TRIM49C: variants seen among roughly 807,000 people sequenced by gnomAD.
TRIM49C encodes the protein tripartite motif containing 49C.
In TRIM49C, 6 loss-of-function variants were observed where a neutral mutation model predicts 21.4. That is an observed-to-expected ratio of 0.28 (90% CI 0.15 to 0.55). The LOEUF (loss-of-function observed/expected upper bound fraction) is 0.55, where lower values mean the gene tolerates loss of function less well. Ranked by LOEUF, TRIM49C falls within the 20% of genes least tolerant of loss-of-function variation. The pLI is 0.94. For missense variants in TRIM49C, 161 were observed against 442.4 expected (o/e 0.36, Z 5.71); for synonymous variants, 57 against 148.1 (o/e 0.38, Z 4.47).
the TRIM49C span, among the ~76,000 whole-genome samples, chr11:90,069,020 T>C: frequency 3.1e-5 from 4 of 128,210 alleles, no homozygotes; most frequent in Non-Finnish European, 6.4e-5. Context: ...TGACGCATTG[T>C]GATAAGTGCT....
Position 90,041,642 on chromosome 11 carries a change from A to G in TRIM49C, c.*92A>G. 1.6e-6 allele frequency: 1 copy of G among 613,970 alleles called. No individual in the cohort carries two copies. The highest frequency in any genetic ancestry group is 2.5e-6 in the Non-Finnish European group (1 of 407,162). 38.0% of individuals were successfully genotyped at this position (613,970 alleles called of 1,614,324 possible). On this transcript the variant is annotated 3_prime_UTR_variant, in exon 8 of 8. Transcript: ENST00000448984. ...TTGTGCCTTAACATACAGGACAAAT[A>G]GGCTCTATTTTATGTCTTGAATTGC...
chr11:90,064,373 A>C, the TRIM49C span, among the ~76,000 whole-genome samples: 1 of 151,384 alleles, frequency 6.6e-6, no homozygotes, highest in African/African-American at 2.4e-5. Flanking sequence ...ATCAACCGTT[A>C]ATTATCTTCT....
the TRIM49C span, among the ~76,000 whole-genome samples, chr11:90,066,188 G>A: frequency 5.3e-5 from 7 of 132,936 alleles, 1 homozygote; most frequent in African/African-American, 1.6e-4. Flanking sequence ...GCCCAGCTAA[G>A]TTTGTATTTT....
chr11:90,041,005 T>C lies in TRIM49C; in HGVS notation c.860-46T>C, dbSNP rs182149478. The C allele has an allele frequency of 6.1e-4, 899 of 1,467,832 alleles. No homozygotes were observed. In the African/African-American group the frequency reaches 0.012, roughly 19 times the overall value. 90.9% of individuals were successfully genotyped at this position (1,467,832 alleles called of 1,614,324 possible). A position where few individuals can be genotyped will look rare whatever the true frequency, so the allele number is the denominator to read the frequency against. ...TGATAGAACAATTATTTTTTTCTTA[T>C]TTACACATGTCTATGCATGTTTTCT... On this transcript the variant is annotated intron_variant, in intron 7 of 7. Transcript: ENST00000448984.
chr11:90,054,947 C>A, the TRIM49C span, among the ~76,000 whole-genome samples: 1 of 148,828 alleles, frequency 6.7e-6, no homozygotes. Flanking sequence ...AAACTAGGAA[C>A]AAATAATGTA....
chr11:90,055,289 T>G, the TRIM49C span, among the ~76,000 whole-genome samples: 1 of 143,348 alleles, frequency 7.0e-6, no homozygotes, highest in African/African-American at 2.5e-5. Flanking sequence ...AAATCATTCA[T>G]TTAAGGGACT....
chr11:90,066,764 T>C, the TRIM49C span, among the ~76,000 whole-genome samples: 35 of 132,774 alleles, frequency 2.6e-4, 8 homozygotes, highest in South Asian at 5.3e-4. Context: ...ACAATAATAA[T>C]AATTATTATT....
intron 1 of TRIM49C, among the ~76,000 whole-genome samples, chr11:90,031,949 C>G (rs1279102202): frequency 7.4e-6 from 1 of 134,928 alleles, no homozygotes; most frequent in African/African-American, 2.7e-5. Context: ...GCTACAGAGT[C>G]ATACACTGAC....
chr11:90,064,288 A>G, the TRIM49C span, among the ~76,000 whole-genome samples: 1 of 151,450 alleles, frequency 6.6e-6, no homozygotes, highest in East Asian at 1.9e-4. Flanking sequence ...CCCATTGTCA[A>G]TTCAGATGAT....
chr11:90,033,817 G>A (rs1200201819), intron 2 of TRIM49C, among the ~76,000 whole-genome samples: 1 of 125,330 alleles, frequency 8.0e-6, no homozygotes, highest in Non-Finnish European at 1.7e-5. Flanking sequence ...CTAGTGTCAC[G>A]TTCCTGTAAT....
the TRIM49C span, chr11:90,049,915 A>C: frequency 8.0e-6 from 1 of 124,576 alleles, no homozygotes; most frequent in South Asian, 2.9e-4. Context: ...TTTGATTTTT[A>C]AATGATTTTT....
downstream of TRIM49C, among the ~76,000 whole-genome samples, chr11:90,046,109 C>T (rs889316672): frequency 2.5e-5 from 3 of 122,136 alleles, 1 homozygote; most frequent in Admixed American, 1.8e-4. Flanking sequence ...TTGAACCAGC[C>T]TTGGATCCCA....
chr11:90,045,806 T>C (rs1429325279), downstream of TRIM49C, among the ~76,000 whole-genome samples: 1 of 121,216 alleles, frequency 8.2e-6, no homozygotes, highest in East Asian at 2.5e-4. Context: ...GAACTTCCAA[T>C]ACTGTGTTGG....
At chr11:90,047,133 C>T in the TRIM49C span, among the ~76,000 whole-genome samples, 3 of 121,274 alleles carry the variant, frequency 2.5e-5, no homozygotes, top group South Asian at 3.1e-4. Flanking sequence ...GTCTGAGAGA[C>T]AGTTTGTTAT....
the TRIM49C span, chr11:90,052,047 G>C: frequency 1.6e-6 from 1 of 624,044 alleles, no homozygotes; most frequent in African/African-American, 1.9e-5. Context: ...GGCGGACCCG[G>C]GGCACCACCA....
the TRIM49C span, among the ~76,000 whole-genome samples, chr11:90,070,838 G>T: frequency 7.1e-6 from 1 of 141,266 alleles, no homozygotes; most frequent in South Asian, 2.4e-4. Flanking sequence ...CTGTCAACCA[G>T]GCTGAAGTCC....
At chr11:90,035,651 T>C in intron 3 of TRIM49C, 29 bp downstream of exon 3, 1 of 1,384,284 alleles carries the variant, frequency 7.2e-7, no homozygotes, top group Non-Finnish European at 9.5e-7. Context: ...GATCGATTTC[T>C]GTAAAGGAAG....
intron 1 of TRIM49C, among the ~76,000 whole-genome samples, chr11:90,031,923 C>T (rs630357): frequency 0.054 from 7,123 of 131,074 alleles, 1,215 homozygotes; most frequent in East Asian, 0.3. Flanking sequence ...AAGCCAGGAG[C>T]TGGAGAACAG....
the TRIM49C span, among the ~76,000 whole-genome samples, chr11:90,055,956 CTTTTTTTTTT>C: frequency 1.7e-4 from 17 of 97,848 alleles, 1 homozygote; most frequent in African/African-American, 6.6e-4. Context: ...CATCTGGATT[CTTTTTTTTTT>C]TTTTTTTTTT....
Sources: allele counts gnomAD v4.1 joint callset (sites outside exome capture counted in the v4.1 genomes callset), GRCh38; gene constraint gnomAD v4.1.1; transcripts MANE v1.5; gene names NCBI Gene and HGNC (gene_info 2026-07-23, HGNC 2026-07-21).